VSTM5: variants seen among roughly 807,000 people sequenced by gnomAD.
VSTM5 encodes V-set and transmembrane domain-containing protein 5.
Under a neutral mutation model 20.3 loss-of-function variants are expected in VSTM5, and 21 were observed. The observed-to-expected ratio is 1.03, with a 90% confidence interval of 0.73 to 1.49. The LOEUF is 1.49. VSTM5 is among the 40% of genes most tolerant of loss of function. VSTM5 has a pLI of 0.00. For synonymous variants in VSTM5, 100 were observed against 102.5 expected, an observed-to-expected ratio of 0.98 and a Z score of 0.14; for missense variants, 219 against 250.0, an observed-to-expected ratio of 0.88 and a Z score of 0.84.
chr11:93,842,741 A>C (rs1944380388), intron 1 of VSTM5, among the ~76,000 whole-genome samples: 1 of 152,250 alleles, frequency 6.6e-6, no homozygotes, highest in South Asian at 2.1e-4. Flanking sequence ...TTATCTCCCA[A>C]CAATTCTTTT....
chr11:93,829,934 G>A (rs1035700475), intron 1 of VSTM5, among the ~76,000 whole-genome samples: 3 of 152,206 alleles, frequency 2.0e-5, no homozygotes, highest in East Asian at 1.9e-4. Context: ...AGGGAAGTTT[G>A]CAGAAGGTGA....
intron 1 of VSTM5, among the ~76,000 whole-genome samples, chr11:93,831,537 C>T (rs1189238193): frequency 6.6e-5 from 10 of 152,152 alleles, no homozygotes; most frequent in African/African-American, 2.2e-4. Context: ...TGGTAATTCC[C>T]CCTCTCAGTG....
At chr11:93,843,458 C>CTGAATGAA (rs10566414) in intron 1 of VSTM5, among the ~76,000 whole-genome samples, 66 of 151,642 alleles carry the variant, frequency 4.4e-4, no homozygotes, top group Non-Finnish European at 5.1e-4. Context: ...TCATATGTAC[C>CTGAATGAA]TGAATGAATG....
intron 1 of VSTM5, among the ~76,000 whole-genome samples, chr11:93,843,596 C>T (rs576482270): frequency 6.6e-6 from 1 of 152,304 alleles, no homozygotes; most frequent in East Asian, 1.9e-4. Flanking sequence ...TCAAAAGCAG[C>T]TGTTACAGTG....
intron 1 of VSTM5, among the ~76,000 whole-genome samples, chr11:93,829,598 G>A (rs553211917): frequency 1.3e-5 from 2 of 152,272 alleles, no homozygotes; most frequent in African/African-American, 2.4e-5. Flanking sequence ...GTGTATTTCC[G>A]AGGTGTTCAA....
intron 1 of VSTM5, among the ~76,000 whole-genome samples, chr11:93,825,729 GTTT>G (rs954154470): frequency 6.8e-6 from 1 of 146,682 alleles, no homozygotes; most frequent in African/African-American, 2.5e-5. Context: ...AATGGGACAG[GTTT>G]TTTTTTTCTT....
At chr11:93,833,782 G>T (rs1378929954) in intron 1 of VSTM5, among the ~76,000 whole-genome samples, 2 of 152,118 alleles carry the variant, frequency 1.3e-5, no homozygotes, top group East Asian at 1.9e-4. Flanking sequence ...GCCCTTTACT[G>T]CAAGTTACAG....
At chr11:93,828,185 T>G (rs1466653911) in intron 1 of VSTM5, among the ~76,000 whole-genome samples, 1 of 152,222 alleles carries the variant, frequency 6.6e-6, no homozygotes, top group Non-Finnish European at 1.5e-5. Context: ...AGAGAGGAAC[T>G]AAATTTCTAG....
intron 1 of VSTM5, among the ~76,000 whole-genome samples, chr11:93,837,993 G>C (rs1255359287): frequency 6.6e-6 from 1 of 151,788 alleles, no homozygotes; most frequent in East Asian, 1.9e-4. Context: ...GCAAGATGCA[G>C]GGGGGTGGGG....
At chr11:93,838,210 G>A (rs1027020036) in intron 1 of VSTM5, among the ~76,000 whole-genome samples, 3 of 152,100 alleles carry the variant, frequency 2.0e-5, no homozygotes, top group African/African-American at 4.8e-5. Context: ...GGTGGCTCAC[G>A]CCTGTAATCC....
rs531733846 is a variant in VSTM5 at position 93,837,872 on chromosome 11, A to G, written c.91+12540T>C. Among the ~76,000 whole-genome samples, 5 of 152,286 alleles carry G rather than the reference A, an allele frequency of 3.3e-5. No individual in the cohort carries two copies. The East Asian group carries it at 9.7e-4, about 30-fold the overall frequency. On this transcript the variant is annotated intron_variant, in intron 1 of 3. Transcript: ENST00000409977. ...AGGAATTTTTAAAATAAAACAGGTA[A>G]GCTGCTTCTCTGACTCTTAAGAGGA...
chr11:93,829,121 G>A (rs976192102), intron 1 of VSTM5, among the ~76,000 whole-genome samples: 9 of 152,282 alleles, frequency 5.9e-5, no homozygotes, highest in African/African-American at 1.9e-4. Flanking sequence ...CTCTGATCAG[G>A]TCTCTGTCAC....
chr11:93,827,202 G>A (rs762928854), intron 1 of VSTM5, among the ~76,000 whole-genome samples: 10 of 152,096 alleles, frequency 6.6e-5, no homozygotes, highest in Non-Finnish European at 1.5e-4. Context: ...TGACCAACAT[G>A]GAGAAACCCC....
At chr11:93,827,713 T>C (rs1266320461) in intron 1 of VSTM5, 1 of 149,350 alleles carries the variant, frequency 6.7e-6, no homozygotes, top group Non-Finnish European at 1.5e-5. Flanking sequence ...CCCTTCTCAC[T>C]ACTGCTATTG....
At chr11:93,847,381 T>A (rs1335380773) in intron 1 of VSTM5, among the ~76,000 whole-genome samples, 1 of 152,140 alleles carries the variant, frequency 6.6e-6, no homozygotes, top group African/African-American at 2.4e-5. Context: ...CGCCCCCACC[T>A]TCCACTAAGC....
At chr11:93,830,316 G>C (rs1207625173) in intron 1 of VSTM5, among the ~76,000 whole-genome samples, 1 of 152,202 alleles carries the variant, frequency 6.6e-6, no homozygotes, top group Admixed American at 6.5e-5. Context: ...CTTGCTCTTT[G>C]GGAGAACCTA....
At chr11:93,831,341 T>C (rs1460137030) in intron 1 of VSTM5, among the ~76,000 whole-genome samples, 2 of 152,200 alleles carry the variant, frequency 1.3e-5, no homozygotes, top group Admixed American at 6.5e-5. Context: ...AAAATATCCA[T>C]GTTGCTGCCC....
At chr11:93,830,771 T>G (rs1056581367) in intron 1 of VSTM5, among the ~76,000 whole-genome samples, 1 of 151,518 alleles carries the variant, frequency 6.6e-6, no homozygotes, top group South Asian at 2.1e-4. Flanking sequence ...TTTTTTTTTT[T>G]TTTTGAGATA....
At chr11:93,850,333 T>G in intron 1 of VSTM5, 79 bp downstream of exon 1, 3 of 1,316,900 alleles carry the variant, frequency 2.3e-6, no homozygotes, top group Non-Finnish European at 3.1e-6. Context: ...GGGGGGCCGC[T>G]GCTAGACCCC....
Sources: allele counts gnomAD v4.1 joint callset (sites outside exome capture counted in the v4.1 genomes callset), GRCh38; gene constraint gnomAD v4.1.1; transcripts MANE v1.5; gene names NCBI Gene and HGNC (gene_info 2026-07-23, HGNC 2026-07-21).